The following FBXL20 variants were observed in gnomAD, a reference collection of about 807,000 sequenced individuals.
FBXL20 encodes F-box/LRR-repeat protein 20.
FBXL20 carries 11 observed loss-of-function variants against 64.0 expected under a neutral mutation model. The ratio of observed to expected loss-of-function variants is 0.17; its 90% confidence interval spans 0.11 to 0.28. FBXL20 has a LOEUF of 0.28. Among genes scored for constraint, FBXL20 ranks in the 10% least tolerant of loss-of-function variants. FBXL20 has a pLI of 1.00. For synonymous variants in FBXL20, 184 were observed against 189.0 expected, an observed-to-expected ratio of 0.97 and a Z score of 0.22; for missense variants, 303 against 526.2, an observed-to-expected ratio of 0.58 and a Z score of 4.15.
rs926155274 is a variant in FBXL20, at chr17:39,383,799, A to C, written c.42+17562T>G. On this transcript the variant is annotated intron_variant, in intron 1 of 14. Coordinates refer to ENST00000264658, the MANE Select transcript of FBXL20 (RefSeq NM_032875.3). ...GAGACAGGGTTTCACCATGTTGCCCAGGCTGGTCTCGAACTCCTGAGCTCA... is the reference window on the plus strand; with the variant it reads ...GAGACAGGGTTTCACCATGTTGCCCCGGCTGGTCTCGAACTCCTGAGCTCA... Among the ~76,000 whole-genome samples the C allele has an allele frequency of 1.3e-4, 19 of 151,926 alleles. 2 individuals are homozygous for C. Among genetic ancestry groups the C allele is most frequent in the Admixed American group, 1.2e-3 (18 of 15,256 alleles).
At chr17:39,289,918 G>C (rs2047021953) in intron 6 of FBXL20, among the ~76,000 whole-genome samples, 1 of 137,312 alleles carries the variant, frequency 7.3e-6, no homozygotes, top group Non-Finnish European at 1.5e-5. Context: ...AGAATTACTT[G>C]AACCTGGGAG....
chr17:39,340,537 C>G (rs2047572450), intron 2 of FBXL20, among the ~76,000 whole-genome samples: 1 of 152,140 alleles, frequency 6.6e-6, no homozygotes, highest in African/African-American at 2.4e-5. Context: ...TCCAACAGTC[C>G]TGTTTCAATG....
At chr17:39,335,919 T>C (rs1161648440) in intron 2 of FBXL20, among the ~76,000 whole-genome samples, 4 of 152,032 alleles carry the variant, frequency 2.6e-5, no homozygotes, top group Admixed American at 1.3e-4. Flanking sequence ...GGGGAGAGAA[T>C]TGCTTGAGGC....
At chr17:39,289,340 A>C (rs1202254546) in intron 6 of FBXL20, among the ~76,000 whole-genome samples, 1 of 152,244 alleles carries the variant, frequency 6.6e-6, no homozygotes, top group Non-Finnish European at 1.5e-5. Flanking sequence ...AGAACAATTT[A>C]AGGAAAACAA....
At chr17:39,274,544 T>C (rs1469148150) in intron 10 of FBXL20, among the ~76,000 whole-genome samples, 1 of 152,176 alleles carries the variant, frequency 6.6e-6, no homozygotes, top group Non-Finnish European at 1.5e-5. Context: ...AACCCATCAG[T>C]ACAAAAGAGG....
At chr17:39,333,794 G>A (rs899770922) in intron 2 of FBXL20, among the ~76,000 whole-genome samples, 21 of 151,308 alleles carry the variant, frequency 1.4e-4, no homozygotes, top group African/African-American at 2.7e-4. Context: ...CTGCCCGGCC[G>A]CGACCCCGTC....
At chr17:39,291,644 A>G (rs980316334) in intron 6 of FBXL20, among the ~76,000 whole-genome samples, 1 of 151,926 alleles carries the variant, frequency 6.6e-6, no homozygotes, top group Non-Finnish European at 1.5e-5. Context: ...CATGTTGGCC[A>G]GGCTGTTCTT....
chr17:39,329,857 G>C (rs551607902), intron 2 of FBXL20, among the ~76,000 whole-genome samples: 1 of 152,150 alleles, frequency 6.6e-6, no homozygotes, highest in East Asian at 1.9e-4. Context: ...AATTAGCCAG[G>C]TGTGATGGCA....
At chr17:39,357,427 GT>G (rs1173844163) in intron 1 of FBXL20, among the ~76,000 whole-genome samples, 1 of 152,006 alleles carries the variant, frequency 6.6e-6, no homozygotes, top group Non-Finnish European at 1.5e-5. Context: ...ACAATTCACT[GT>G]CACTGTTAGG....
intron 10 of FBXL20, 70 bp from the exon 11 acceptor site, chr17:39,270,926 G>T: frequency 7.9e-7 from 1 of 1,270,478 alleles, no homozygotes; most frequent in Non-Finnish European, 1.1e-6. Context: ...TATTAAAACA[G>T]TAAGAATTTA....
chr17:39,346,791 C>T (rs1597810787), intron 1 of FBXL20, among the ~76,000 whole-genome samples: 1 of 151,944 alleles, frequency 6.6e-6, no homozygotes, highest in African/African-American at 2.4e-5. Context: ...GTGCTGCACC[C>T]GTTAACTCGT....
chr17:39,400,000 TTTTACGG>T (rs1389876026), intron 1 of FBXL20, among the ~76,000 whole-genome samples: 2 of 152,202 alleles, frequency 1.3e-5, no homozygotes, highest in Admixed American at 1.3e-4. Flanking sequence ...CATTCTGGGT[TTTTACGG>T]TACTACTGAA....
chr17:39,356,523 T>G (rs931402711), intron 1 of FBXL20, among the ~76,000 whole-genome samples: 2 of 152,088 alleles, frequency 1.3e-5, no homozygotes, highest in Non-Finnish European at 2.9e-5. Context: ...GCTCAGCTAT[T>G]TTTTCTATAT....
chr17:39,330,378 T>C (rs774099996), intron 2 of FBXL20, among the ~76,000 whole-genome samples: 67 of 151,514 alleles, frequency 4.4e-4, no homozygotes, highest in Non-Finnish European at 2.4e-4. Flanking sequence ...CTTTGGGAGG[T>C]TGAGGCAGGC....
In FBXL20 at chr17:39,324,023, C is replaced by CA. The variant is rs1340895009; in HGVS notation, c.104+19156dup. Among the ~76,000 whole-genome samples the CA allele has an allele frequency of 3.2e-4, 44 of 139,134 alleles. 2 individuals are homozygous for CA. The highest frequency in any genetic ancestry group is 9.3e-4 in the African/African-American group (31 of 33,408). 91.3% of individuals were successfully genotyped at this position (139,134 alleles called of 152,430 possible). On this transcript the variant is annotated intron_variant, in intron 2 of 14. Coordinates refer to ENST00000264658, the MANE Select transcript of FBXL20 (RefSeq NM_032875.3). ...TCGTGATCCAACCCCCTCCCCCCCC[C>CA]ACCCCCTGGCCTCCCAAAGTGCTGG...
intron 2 of FBXL20, among the ~76,000 whole-genome samples, chr17:39,319,693 A>AAAAAC (rs1567878312): frequency 3.3e-5 from 5 of 149,564 alleles, no homozygotes; most frequent in African/African-American, 1.0e-4. Context: ...AAAAAAAAAA[A>AAAAAC]AAACTATAGC....
chr17:39,298,743 T>TA (rs978775099), intron 5 of FBXL20, among the ~76,000 whole-genome samples: 5 of 151,944 alleles, frequency 3.3e-5, no homozygotes, highest in Admixed American at 2.0e-4. Context: ...TTAATTAATT[T>TA]AAAAAAAACT....
At chr17:39,396,965 A>AG (rs1347599810) in intron 1 of FBXL20, among the ~76,000 whole-genome samples, 2 of 129,758 alleles carry the variant, frequency 1.5e-5, no homozygotes, top group Non-Finnish European at 3.1e-5. Flanking sequence ...TCAAAAAAAA[A>AG]AAAAAAAAAA....
intron 9 of FBXL20, among the ~76,000 whole-genome samples, chr17:39,276,806 A>C (rs1055604999): frequency 2.0e-5 from 3 of 152,192 alleles, no homozygotes; most frequent in Admixed American, 6.5e-5. Context: ...ATATTTTTAG[A>C]AATATTACAA....
Sources: allele counts gnomAD v4.1 joint callset (sites outside exome capture counted in the v4.1 genomes callset), GRCh38; gene constraint gnomAD v4.1.1; transcripts MANE v1.5; gene names NCBI Gene and HGNC (gene_info 2026-07-23, HGNC 2026-07-21).